SLC24A2: variants seen among roughly 807,000 people sequenced by gnomAD.
SLC24A2 encodes sodium/potassium/calcium exchanger 2.
A neutral mutation model predicts 62.0 loss-of-function variants in SLC24A2; 36 were observed. The ratio of observed to expected loss-of-function variants is 0.58; its 90% CI spans 0.44 to 0.77. SLC24A2 has a LOEUF of 0.77. Among genes scored for constraint, SLC24A2 ranks in the 30% least tolerant of loss-of-function variants. SLC24A2 has a pLI of 0.00. For missense variants in SLC24A2, 846 were observed against 817.9 expected, an observed-to-expected ratio of 1.03 and a Z score of -0.42; for synonymous variants, 358 against 294.0, an observed-to-expected ratio of 1.22 and a Z score of -2.23.
chr9:19,574,822 C>T (rs1040541359), intron 6 of SLC24A2, among the ~76,000 whole-genome samples: 1 of 152,262 alleles, frequency 6.6e-6, no homozygotes, highest in East Asian at 1.9e-4. Flanking sequence ...TGAAAGCACA[C>T]ACTCTGGCTG....
intron 7 of SLC24A2, among the ~76,000 whole-genome samples, chr9:19,556,496 G>A (rs773001142): frequency 6.6e-6 from 1 of 152,118 alleles, no homozygotes; most frequent in Non-Finnish European, 1.5e-5. Context: ...CTGAAAATAG[G>A]CCTAATTCAA....
At chr9:19,839,329 G>A in the SLC24A2 span, among the ~76,000 whole-genome samples, 2 of 152,190 alleles carry the variant, frequency 1.3e-5, no homozygotes, top group Non-Finnish European at 2.9e-5. Context: ...GGAAGTCAGT[G>A]TGTCCATTTC....
chr9:19,656,846 C>T (rs909976775), intron 2 of SLC24A2, among the ~76,000 whole-genome samples: 1 of 152,192 alleles, frequency 6.6e-6, no homozygotes, highest in Non-Finnish European at 1.5e-5. Context: ...GTTCCGCATC[C>T]ACCGTTACCT....
At chr9:19,747,975 T>C (rs764600772) in intron 2 of SLC24A2, among the ~76,000 whole-genome samples, 9 of 152,206 alleles carry the variant, frequency 5.9e-5, no homozygotes, top group Non-Finnish European at 1.0e-4. Context: ...CAAGATGCTC[T>C]ATGCAAGCAG....
At chr9:19,790,266 C>A (rs183084015), upstream of SLC24A2, among the ~76,000 whole-genome samples, 54 of 152,232 alleles carry the variant, frequency 3.5e-4, no homozygotes, top group African/African-American at 1.2e-3. Flanking sequence ...AAATTTCAAA[C>A]ATATACAAAT....
At chr9:19,616,370 A>T (rs2117862766) in intron 4 of SLC24A2, among the ~76,000 whole-genome samples, 1 of 152,314 alleles carries the variant, frequency 6.6e-6, no homozygotes, top group Admixed American at 6.5e-5. Context: ...TTTACAGATG[A>T]GGAAACTGAG....
chr9:19,596,128 G>C (rs1048332021), intron 5 of SLC24A2, among the ~76,000 whole-genome samples: 2 of 152,218 alleles, frequency 1.3e-5, no homozygotes, highest in African/African-American at 4.8e-5. Context: ...CCAGAGTGGA[G>C]AGGGGCTGGG....
the SLC24A2 span, among the ~76,000 whole-genome samples, chr9:19,878,005 T>C: frequency 6.6e-6 from 1 of 152,204 alleles, no homozygotes; most frequent in African/African-American, 2.4e-5. Context: ...AAAGGGAAGA[T>C]ATTTTTGGCC....
the SLC24A2 span, among the ~76,000 whole-genome samples, chr9:20,267,310 C>T: frequency 6.6e-6 from 1 of 152,158 alleles, no homozygotes; most frequent in Admixed American, 6.5e-5. Context: ...CACACCAACT[C>T]AAATTTGTCC....
chr9:19,576,778 G>A (rs1836023871), intron 6 of SLC24A2, 146 bp downstream of exon 6: 3 of 719,532 alleles, frequency 4.2e-6, no homozygotes, highest in Non-Finnish European at 7.6e-6. Flanking sequence ...GGGCAAGAGG[G>A]ACTCATTTCC....
At chr9:19,887,190 T>C in the SLC24A2 span, among the ~76,000 whole-genome samples, 7 of 152,188 alleles carry the variant, frequency 4.6e-5, no homozygotes, top group Middle Eastern at 3.2e-3. Flanking sequence ...TCTGCACATG[T>C]ACCCTGGAAC....
the SLC24A2 span, among the ~76,000 whole-genome samples, chr9:19,800,179 T>G: frequency 6.6e-6 from 1 of 152,174 alleles, no homozygotes; most frequent in East Asian, 1.9e-4. Context: ...TTCTGAGGTT[T>G]CAGGTGGGCA....
At chr9:20,077,168 G>C in the SLC24A2 span, among the ~76,000 whole-genome samples, 2 of 151,892 alleles carry the variant, frequency 1.3e-5, no homozygotes, top group South Asian at 2.1e-4. Flanking sequence ...GGAGATGTAG[G>C]TCAGAGGATA....
chr9:20,084,230 A>G, the SLC24A2 span, among the ~76,000 whole-genome samples: 1 of 152,186 alleles, frequency 6.6e-6, no homozygotes, highest in Non-Finnish European at 1.5e-5. Flanking sequence ...CATTTTAATT[A>G]CACAATCATG....
chr9:19,557,766 T>A (rs1168899646), intron 7 of SLC24A2, among the ~76,000 whole-genome samples: 2 of 152,090 alleles, frequency 1.3e-5, no homozygotes, highest in African/African-American at 4.8e-5. Flanking sequence ...TTTTTTATAT[T>A]TTCTTGAGCC....
chr9:19,525,669 G>T (rs1044898163), intron 9 of SLC24A2, among the ~76,000 whole-genome samples: 8 of 151,322 alleles, frequency 5.3e-5, no homozygotes, highest in African/African-American at 1.5e-4. Flanking sequence ...ATCCCAAAGT[G>T]CTGGGACTAC....
chr9:20,256,339 T>C, the SLC24A2 span, among the ~76,000 whole-genome samples: 69,194 of 152,082 alleles, frequency 0.45, 17,507 homozygotes, highest in East Asian at 0.9. Flanking sequence ...CAACCAGCTC[T>C]GCTCTGATGT....
chr9:20,230,720 A>T, the SLC24A2 span, among the ~76,000 whole-genome samples: 5 of 152,170 alleles, frequency 3.3e-5, no homozygotes, highest in East Asian at 9.6e-4. Flanking sequence ...TTTGCTGTGC[A>T]GAAGCTCTTT....
At chr9:19,658,305 T>C (rs1818999235) in intron 2 of SLC24A2, among the ~76,000 whole-genome samples, 1 of 152,204 alleles carries the variant, frequency 6.6e-6, no homozygotes, top group South Asian at 2.1e-4. Flanking sequence ...GCTGGCTCAT[T>C]TGAAGATGAT....
Sources: allele counts gnomAD v4.1 joint callset (sites outside exome capture counted in the v4.1 genomes callset), GRCh38; gene constraint gnomAD v4.1.1; transcripts MANE v1.5; gene names NCBI Gene and HGNC (gene_info 2026-07-23, HGNC 2026-07-21).